Variants in ADGRL3 observed in about 807,000 individuals in gnomAD.
ADGRL3 encodes the protein adhesion G protein-coupled receptor L3.
ADGRL3 carries 62 observed loss-of-function variants against 153.5 expected under a neutral mutation model. That is an observed-to-expected ratio of 0.40 (90% CI 0.33 to 0.50). ADGRL3 has a LOEUF of 0.50. Ranked by LOEUF, ADGRL3 falls within the 20% of genes least tolerant of loss-of-function variation. ADGRL3 has a pLI of 0.47. For missense variants in ADGRL3, 1,641 were observed against 1,859.4 expected, an observed-to-expected ratio of 0.88 and a Z score of 2.16; for synonymous variants, 710 against 672.5, an observed-to-expected ratio of 1.06 and a Z score of -0.86.
intron 2 of ADGRL3, among the ~76,000 whole-genome samples, chr4:61,488,109 G>T (rs2098217589): frequency 6.6e-6 from 1 of 151,922 alleles, no homozygotes; most frequent in African/African-American, 2.4e-5. Context: ...TAGATGTGCT[G>T]CTCTAAAGCC....
chr4:61,351,457 AC>A (rs1421094987), intron 1 of ADGRL3, among the ~76,000 whole-genome samples: 6 of 152,226 alleles, frequency 3.9e-5, no homozygotes, highest in Non-Finnish European at 8.8e-5. Context: ...GTGGACAACA[AC>A]CTGCTATTGG....
At chr4:61,444,555 A>T (rs780118812) in intron 2 of ADGRL3, among the ~76,000 whole-genome samples, 19 of 151,966 alleles carry the variant, frequency 1.3e-4, no homozygotes, top group Non-Finnish European at 2.4e-4. Context: ...ATCCTTTATC[A>T]TCCACTTAAA....
chr4:61,272,640 T>G (rs2093256170), intron 1 of ADGRL3, among the ~76,000 whole-genome samples: 1 of 152,122 alleles, frequency 6.6e-6, no homozygotes, highest in Non-Finnish European at 1.5e-5. Flanking sequence ...GTGACGCTAA[T>G]TAAAACCAAC....
intron 4 of ADGRL3, among the ~76,000 whole-genome samples, chr4:61,529,687 T>G (rs1034591885): frequency 6.6e-6 from 1 of 152,132 alleles, no homozygotes; most frequent in Non-Finnish European, 1.5e-5. Context: ...TTAAGTCTAT[T>G]CATAAGACTT....
chr4:61,817,076 T>G (rs2097695955), intron 9 of ADGRL3, among the ~76,000 whole-genome samples: 1 of 151,738 alleles, frequency 6.6e-6, no homozygotes, highest in African/African-American at 2.4e-5. Context: ...TCTCTGAAAC[T>G]TTGAACACTG....
chr4:61,836,290 T>A (rs186763587), intron 9 of ADGRL3, among the ~76,000 whole-genome samples: 3 of 152,294 alleles, frequency 2.0e-5, no homozygotes, highest in African/African-American at 7.2e-5. Context: ...ATAATTAGGT[T>A]TCTCTTAAAC....
At chr4:61,428,902 T>TATCTATCTATC (rs2097319540) in intron 2 of ADGRL3, among the ~76,000 whole-genome samples, 1 of 125,968 alleles carries the variant, frequency 7.9e-6, no homozygotes, top group African/African-American at 3.0e-5. Context: ...ATCATCTATC[T>TATCTATCTATC]ATCTATCTAT....
intron 3 of ADGRL3, among the ~76,000 whole-genome samples, chr4:61,509,623 C>CGT (rs1039138527): frequency 5.3e-5 from 8 of 150,602 alleles, no homozygotes; most frequent in African/African-American, 1.2e-4. Context: ...TGTGTGTGTG[C>CGT]GTGTGTATAT....
At chr4:61,866,427 G>T (rs1027607129) in intron 9 of ADGRL3, among the ~76,000 whole-genome samples, 2 of 152,256 alleles carry the variant, frequency 1.3e-5, no homozygotes, top group East Asian at 3.9e-4. Flanking sequence ...TCATGTTCAC[G>T]CACAAGTTTT....
At chr4:62,031,956 T>TAC (rs146856591) in intron 23 of ADGRL3, among the ~76,000 whole-genome samples, 15,886 of 137,676 alleles carry the variant, frequency 0.12, 937 homozygotes, top group East Asian at 0.22. Context: ...GCATGAGTTA[T>TAC]ACACACACAC....
intron 1 of ADGRL3, among the ~76,000 whole-genome samples, chr4:61,372,719 G>A (rs2096550815): frequency 6.6e-6 from 1 of 152,174 alleles, no homozygotes; most frequent in African/African-American, 2.4e-5. Context: ...GGAGCCTACA[G>A]AGGCAGGCAG....
chr4:61,983,352 A>AT lies in ADGRL3; in HGVS notation c.3016-28dup, dbSNP rs773795643. ...TTGACTAGTATCCCATGTGGTAGAGATTTGACTAAATCATTTGTTCCTTTT... is the reference window on the plus strand; with the variant it reads ...TTGACTAGTATCCCATGTGGTAGAGATTTTGACTAAATCATTTGTTCCTTTT... On this transcript the variant is annotated intron_variant, in intron 18 of 26. Coordinates refer to ENST00000683033, the MANE Select transcript of ADGRL3 (RefSeq NM_001387552.1). 1.9e-6 allele frequency: 3 copies of AT among 1,575,854 alleles called. No individual in the cohort carries two copies. In the South Asian group the frequency reaches 3.3e-5, roughly 18 times the overall value.
intron 9 of ADGRL3, among the ~76,000 whole-genome samples, chr4:61,835,854 G>A (rs895296961): frequency 2.0e-5 from 3 of 152,190 alleles, no homozygotes; most frequent in Non-Finnish European, 4.4e-5. Context: ...GAGCTACACA[G>A]CATTGGGCAG....
intron 5 of ADGRL3, among the ~76,000 whole-genome samples, chr4:61,667,569 C>A (rs2094843590): frequency 6.6e-6 from 1 of 152,120 alleles, no homozygotes; most frequent in African/African-American, 2.4e-5. Context: ...TTAAAAATTT[C>A]TTAATGTTTG....
chr4:61,824,617 G>C (rs1042872558), intron 9 of ADGRL3, among the ~76,000 whole-genome samples: 1 of 152,210 alleles, frequency 6.6e-6, no homozygotes, highest in Non-Finnish European at 1.5e-5. Context: ...AAAGCCTGAG[G>C]GGGTGAAGTA....
At chr4:61,372,777 G>A (rs1252445091) in intron 1 of ADGRL3, among the ~76,000 whole-genome samples, 1 of 152,186 alleles carries the variant, frequency 6.6e-6, no homozygotes, top group African/African-American at 2.4e-5. Flanking sequence ...CTTCCCGGCT[G>A]CTTTGTTTAC....
chr4:61,430,756 G>T (rs1305462419), intron 2 of ADGRL3, among the ~76,000 whole-genome samples: 1 of 152,118 alleles, frequency 6.6e-6, no homozygotes, highest in African/African-American at 2.4e-5. Context: ...ATGGGGTTGA[G>T]AAATTAAATT....
chr4:61,469,045 C>T (rs563506176), intron 2 of ADGRL3, among the ~76,000 whole-genome samples: 1 of 152,194 alleles, frequency 6.6e-6, no homozygotes, highest in South Asian at 2.1e-4. Flanking sequence ...TCTTTCCCAG[C>T]TCCAGGAACC....
intron 5 of ADGRL3, among the ~76,000 whole-genome samples, chr4:61,625,560 AT>A (rs1254075855): frequency 1.3e-5 from 2 of 151,966 alleles, no homozygotes; most frequent in Non-Finnish European, 2.9e-5. Flanking sequence ...TTACCTAGAT[AT>A]TTTCTACTTA....
Sources: gnomAD v4.1 joint callset for allele counts (sites outside exome capture counted in the v4.1 genomes callset) on GRCh38, gnomAD v4.1.1 for gene constraint, MANE v1.5 for transcripts, NCBI Gene and HGNC (gene_info 2026-07-23, HGNC 2026-07-21) for gene names.